SMARCAL1: variants seen among roughly 807,000 people sequenced by gnomAD.
The protein encoded by SMARCAL1 is SNF2 related chromatin remodeling annealing helicase 1.
In SMARCAL1, 58 loss-of-function variants were observed where a neutral mutation model predicts 94.5. The ratio of observed to expected loss-of-function variants is 0.61; its 90% CI spans 0.50 to 0.76. SMARCAL1 has a LOEUF of 0.76. Among genes scored for constraint, SMARCAL1 ranks in the 30% least tolerant of loss-of-function variants. The pLI is 0.00. For synonymous variants in SMARCAL1, 422 were observed against 455.1 expected (o/e 0.93, Z 0.93); for missense variants, 1,051 against 1,177.9 (o/e 0.89, Z 1.58).
chr2:216,415,207 C>G lies in SMARCAL1; in HGVS notation c.503C>G (p.Ala168Gly), dbSNP rs1693561521. 6.2e-7 allele frequency: 1 copy of G among 1,614,024 alleles called. No individual in the cohort carries two copies. The highest frequency in any genetic ancestry group is 1.7e-5 in the Admixed American group (1 of 59,996). ...GCTAACCCAACTCATAAGCCTCTGGCCAAACCAAAGAGTTCCCAAGAGACA... is the reference window on the plus strand; with the variant it reads ...GCTAACCCAACTCATAAGCCTCTGGGCAAACCAAAGAGTTCCCAAGAGACA... ...PFANPTHKPL[A>G]KPKSSQETPA... is the part of the protein sequence containing the mutation. The change falls in exon 3 of 18, where the codon GCC (alanine) becomes GGC (glycine). Residue 168 changes from alanine to glycine, a missense_variant. Around this residue, in one of 3 missense-constraint regions of SMARCAL1, gnomAD observed 398 missense variants for 395.2 expected, o/e 1.01. Coordinates refer to ENST00000357276, the MANE Select transcript of SMARCAL1 (RefSeq NM_014140.4).
chr2:216,430,088 C>G (rs1464801476), intron 7 of SMARCAL1, among the ~76,000 whole-genome samples: 1 of 152,184 alleles, frequency 6.6e-6, no homozygotes, highest in African/African-American at 2.4e-5. Flanking sequence ...GTGTTGGGTG[C>G]TGGTTTTACC....
chr2:216,457,002 A>G (rs949600728), intron 12 of SMARCAL1, among the ~76,000 whole-genome samples: 8 of 152,222 alleles, frequency 5.3e-5, no homozygotes, highest in African/African-American at 1.9e-4. Flanking sequence ...AGGAAGATCT[A>G]CCAAGCAAAT....
intron 15 of SMARCAL1, 147 bp from the exon 16 acceptor site, chr2:216,476,962 G>T: frequency 1.4e-6 from 1 of 709,288 alleles, no homozygotes; most frequent in South Asian, 1.5e-5. Flanking sequence ...TAAAGTGCAG[G>T]TTATTTCTAG....
rs138484065 is a variant in SMARCAL1, at chr2:216,414,638, C to T, written c.-58-9C>T. The T allele has an allele frequency of 3.7e-6, 5 of 1,342,010 alleles. No homozygotes were observed. The African/African-American group carries it at 4.3e-5, about 12-fold the overall frequency. 83.1% of individuals were successfully genotyped at this position (1,342,010 alleles called of 1,614,324 possible). On this transcript the variant is annotated splice_polypyrimidine_tract_variant and intron_variant, in intron 2 of 17. Coordinates refer to ENST00000357276, the MANE Select transcript of SMARCAL1 (RefSeq NM_014140.4). ...ATGTTCATTTCATTCTTCTTACTTT[C>T]TTCCACAGCTTTTGCCAACTTTCCA...
intron 7 of SMARCAL1, among the ~76,000 whole-genome samples, chr2:216,431,129 T>C (rs922573536): frequency 6.6e-6 from 1 of 152,242 alleles, no homozygotes; most frequent in Non-Finnish European, 1.5e-5. Flanking sequence ...CCATGATGCC[T>C]GTTGTCCCCA....
chr2:216,463,655 G>A lies in SMARCAL1; in HGVS notation c.2071-942G>A, dbSNP rs573522216. ...ATTCTTTATTAGGAGTCACTTAAAT[G>A]TAAACCATAAAGAAAACACCGTTTC... is the stretch of plus-strand genomic sequence containing the variant. On this transcript the variant is annotated intron_variant, in intron 12 of 17. Coordinates refer to ENST00000357276, the MANE Select transcript of SMARCAL1 (RefSeq NM_014140.4). 3.3e-5 allele frequency among the ~76,000 whole-genome samples: 5 copies of A among 152,306 alleles called. No individual in the cohort carries two copies. The South Asian group carries it at 8.3e-4, about 25-fold the overall frequency.
intron 12 of SMARCAL1, among the ~76,000 whole-genome samples, chr2:216,463,872 G>C (rs1270525784): frequency 1.3e-5 from 2 of 152,058 alleles, no homozygotes; most frequent in East Asian, 3.9e-4. Context: ...GTGAAACCCT[G>C]TCTCTACTAA....
intron 8 of SMARCAL1, among the ~76,000 whole-genome samples, chr2:216,434,799 G>T (rs898697296): frequency 6.6e-6 from 1 of 151,684 alleles, no homozygotes; most frequent in Non-Finnish European, 1.5e-5. Context: ...AAGCTGTGAT[G>T]GTGCCACTGT....
chr2:216,455,441 C>T (rs1694543511), intron 12 of SMARCAL1, among the ~76,000 whole-genome samples: 1 of 152,212 alleles, frequency 6.6e-6, no homozygotes. Context: ...CTAACTGGGA[C>T]ACACCCCTGA....
At chr2:216,429,663 C>T (rs1038689649) in intron 7 of SMARCAL1, among the ~76,000 whole-genome samples, 2 of 151,876 alleles carry the variant, frequency 1.3e-5, no homozygotes, top group Admixed American at 1.3e-4. Flanking sequence ...AACAATGGCA[C>T]TGACAAACCA....
rs1693993634 is a variant in SMARCAL1 at position 216,432,755 on chromosome 2, G to A, written c.1372G>A (p.Asp458Asn). ...CAAAGGAGGCCGCCTGCTGCTCGCT[G>A]ACGACATGGGCCTGGGGAAGACCAT... ...IAKGGRLLLA[D>N]DMGLGKTIQA... The change falls in exon 8 of 18, where the codon GAC becomes AAC. Residue 458 changes from aspartate (D) to asparagine (N), a missense_variant. By Grantham distance (23) the Asp-to-Asn change is conservative (BLOSUM62 1). Coordinates refer to ENST00000357276, the MANE Select transcript of SMARCAL1 (RefSeq NM_014140.4). 1 of 1,614,170 alleles carries A rather than the reference G, an allele frequency of 6.2e-7. No homozygotes were observed.
At chr2:216,472,344 ACT>A (rs2106082521) in intron 14 of SMARCAL1, among the ~76,000 whole-genome samples, 1 of 152,220 alleles carries the variant, frequency 6.6e-6, no homozygotes, top group Admixed American at 6.5e-5. Flanking sequence ...GAGAGACAAG[ACT>A]CTATCTCAAA....
At chr2:216,427,752 T>C (rs1693867180) in intron 6 of SMARCAL1, among the ~76,000 whole-genome samples, 1 of 152,228 alleles carries the variant, frequency 6.6e-6, no homozygotes, top group South Asian at 2.1e-4. Context: ...TAGCAGTAGA[T>C]GGCTCAGCCC....
Position 216,482,694 on chromosome 2 carries a change from C to T in SMARCAL1, c.2626-44C>T, listed in dbSNP as rs368974769. 276 of 1,613,876 alleles carry T rather than the reference C, an allele frequency of 1.7e-4. No homozygotes were observed. The highest frequency in any genetic ancestry group is 1.2e-3 in the Middle Eastern group (7 of 6,084). ...TAGTGGAGGAGAGTCAGTGTTGGAGCCTGGGCTCTTCCTTTTATCTTTTGT... is the reference window on the plus strand; with the variant it reads ...TAGTGGAGGAGAGTCAGTGTTGGAGTCTGGGCTCTTCCTTTTATCTTTTGT... On this transcript the variant is annotated intron_variant, in intron 17 of 17. Transcript: ENST00000357276. This position sits in a 1 kb window ranked among gnomAD's most constrained non-coding sequence, Gnocchi z 4.3.
At position 216,417,828 on chromosome 2, in the gene SMARCAL1, G is replaced by A. The variant is rs79101288; in HGVS notation, c.862+1521G>A. ...TTAAACCAGTGGTTTCCCCTGTTGC[G>A]GTTGTTTTGTCTTTTTACTCTTGTT... On this transcript the variant is annotated intron_variant, in intron 4 of 17. Coordinates refer to ENST00000357276, the MANE Select transcript of SMARCAL1 (RefSeq NM_014140.4). Among the ~76,000 whole-genome samples, 704 of 152,266 alleles carry A rather than the reference G, an allele frequency of 4.6e-3. 3 individuals are homozygous for A. Among genetic ancestry groups the A allele is most frequent in the African/African-American group, 0.016 (668 of 41,542 alleles).
chr2:216,474,509 C>T (rs1389863518), intron 14 of SMARCAL1, among the ~76,000 whole-genome samples: 1 of 148,400 alleles, frequency 6.7e-6, no homozygotes, highest in Non-Finnish European at 1.5e-5. Flanking sequence ...AATCCCAGCA[C>T]TTTGGGAGGC....
chr2:216,451,408 G>A, intron 12 of SMARCAL1: 1 of 336,490 alleles, frequency 3.0e-6, no homozygotes, highest in Non-Finnish European at 5.8e-6. Context: ...TCTAGTAACA[G>A]TTGTTAGAAA....
intron 9 of SMARCAL1, among the ~76,000 whole-genome samples, chr2:216,437,873 G>C (rs1218914283): frequency 1.3e-5 from 2 of 152,222 alleles, no homozygotes; most frequent in Non-Finnish European, 2.9e-5. Flanking sequence ...AGTTCCTTGA[G>C]AATAGGAATC....
At position 216,430,679 on chromosome 2, in the gene SMARCAL1, C is replaced by T. The variant is rs557519507; in HGVS notation, c.1334+1897C>T. On this transcript the variant is annotated intron_variant, in intron 7 of 17. Coordinates refer to ENST00000357276, the MANE Select transcript of SMARCAL1 (RefSeq NM_014140.4). The stretch of plus-strand genomic sequence containing the variant: ...GGGAAAAAGGAGAGAATGTGAAATT[C>T]AGGGGGTCCATTCTGCTCTAAGGAT... Among the ~76,000 whole-genome samples, 8 of 152,218 alleles carry T rather than the reference C, an allele frequency of 5.3e-5. No homozygotes were observed. The East Asian group carries it at 1.5e-3, about 29-fold the overall frequency.
Sources: allele counts gnomAD v4.1 joint callset (sites outside exome capture counted in the v4.1 genomes callset), GRCh38; gene constraint gnomAD v4.1.1; regional missense constraint gnomAD v4.1.1; non-coding constraint Gnocchi (gnomAD v3.1); transcripts MANE v1.5; gene names NCBI Gene and HGNC (gene_info 2026-07-23, HGNC 2026-07-21).